FAM120A: variants seen among roughly 807,000 people sequenced by gnomAD.
FAM120A encodes constitutive coactivator of PPAR-gamma-like protein 1.
Under a neutral mutation model 109.7 loss-of-function variants are expected in FAM120A, and 15 were observed. The observed-to-expected ratio is 0.14, with a 90% CI of 0.09 to 0.21. FAM120A has a LOEUF of 0.21. Among genes scored for constraint, FAM120A ranks in the 10% least tolerant of loss-of-function variants. The probability of loss-of-function intolerance (pLI) is 1.00; values close to 1 mark genes in which losing one functional copy is unlikely to be tolerated. For missense variants in FAM120A, 899 were observed against 1,439.3 expected (o/e 0.62, Z 6.07); for synonymous variants, 493 against 572.8 (o/e 0.86, Z 1.99).
intron 1 of FAM120A, chr9:93,453,163 G>A: frequency 1.0e-6 from 1 of 1,002,078 alleles, no homozygotes; most frequent in African/African-American, 1.7e-5. Flanking sequence ...AAATCAGGGG[G>A]CGAACTACGC....
chr9:93,549,574 A>C (rs528128219), intron 11 of FAM120A, among the ~76,000 whole-genome samples: 2 of 152,322 alleles, frequency 1.3e-5, no homozygotes, highest in East Asian at 3.9e-4. Context: ...CACCAACTCT[A>C]ACCCTGGGTT....
chr9:93,543,482 T>C lies in FAM120A; in HGVS notation c.2159+11T>C. Reference sequence around the variant, plus strand: ...CTGCTGCGTCTTACGGTGGGTGCCATGCATGGGAGCTGGGACCTGGGTCCC... The same window carrying C: ...CTGCTGCGTCTTACGGTGGGTGCCACGCATGGGAGCTGGGACCTGGGTCCC... On this transcript the variant is annotated intron_variant, in intron 11 of 17. Coordinates refer to ENST00000277165, the MANE Select transcript of FAM120A (RefSeq NM_014612.5). 6.2e-7 allele frequency: 1 copy of C among 1,610,210 alleles called. No individual in the cohort carries two copies. The highest frequency in any genetic ancestry group is 8.5e-7 in the Non-Finnish European group (1 of 1,176,772).
intron 5 of FAM120A, among the ~76,000 whole-genome samples, chr9:93,502,700 C>T (rs573643069): frequency 6.6e-6 from 1 of 152,180 alleles, no homozygotes; most frequent in South Asian, 2.1e-4. Context: ...TTCACTATGT[C>T]ATAATTACTA....
chr9:93,553,643 T>A (rs1042731482), intron 12 of FAM120A, among the ~76,000 whole-genome samples: 1 of 152,212 alleles, frequency 6.6e-6, no homozygotes, highest in Non-Finnish European at 1.5e-5. Context: ...TTTATCTCAA[T>A]TGATATAAGA....
intron 1 of FAM120A, among the ~76,000 whole-genome samples, chr9:93,468,665 T>G (rs541420420): frequency 2.7e-4 from 41 of 152,370 alleles, no homozygotes; most frequent in African/African-American, 9.9e-4. Flanking sequence ...GTTTAATACT[T>G]TATCCTAAGC....
At chr9:93,486,003 C>T (rs1230469495) in intron 3 of FAM120A, among the ~76,000 whole-genome samples, 1 of 152,148 alleles carries the variant, frequency 6.6e-6, no homozygotes, top group Non-Finnish European at 1.5e-5. Context: ...AGAAAAGAAA[C>T]TGTGTCCTAC....
Position 93,476,243 on chromosome 9 carries a change from G to A in FAM120A, c.722-13G>A, listed in dbSNP as rs368904991. On this transcript the variant is annotated splice_polypyrimidine_tract_variant and intron_variant, in intron 2 of 17. Coordinates refer to ENST00000277165, the MANE Select transcript of FAM120A (RefSeq NM_014612.5). Reference sequence around the variant, plus strand: ...AGATGATTGCTTTTATGTTATCCATGTTTATATTCCAGGAAATCACATTCT... The same window carrying A: ...AGATGATTGCTTTTATGTTATCCATATTTATATTCCAGGAAATCACATTCT... The A allele has an allele frequency of 1.3e-5, 21 of 1,570,530 alleles. No homozygotes were observed. In the African/African-American group the frequency reaches 2.6e-4, roughly 19 times the overall value.
intron 5 of FAM120A, among the ~76,000 whole-genome samples, chr9:93,501,437 CAG>C (rs1400585300): frequency 1.3e-5 from 2 of 152,088 alleles, no homozygotes; most frequent in Non-Finnish European, 2.9e-5. Flanking sequence ...GAAGTTTACT[CAG>C]AATTTAGTTT....
At chr9:93,529,322 GTTTT>G in intron 8 of FAM120A, 27 bp from the exon 9 acceptor site, 1 of 1,537,308 alleles carries the variant, frequency 6.5e-7, no homozygotes, top group African/African-American at 1.4e-5. Context: ...ACATACACTC[GTTTT>G]CCTCCCTTCT....
At chr9:93,488,977 T>G (rs1350092626) in intron 3 of FAM120A, among the ~76,000 whole-genome samples, 1 of 151,106 alleles carries the variant, frequency 6.6e-6, no homozygotes, top group Non-Finnish European at 1.5e-5. Flanking sequence ...TCTCTTCATC[T>G]GTAGCAGTGA....
intron 7 of FAM120A, among the ~76,000 whole-genome samples, chr9:93,525,208 A>G (rs1217625745): frequency 1.3e-5 from 2 of 152,198 alleles, no homozygotes; most frequent in Admixed American, 1.3e-4. Context: ...TTTTAGATTG[A>G]TAATCTACAT....
intron 10 of FAM120A, 76 bp from the exon 11 acceptor site, chr9:93,543,146 G>C (rs1280265285): frequency 6.5e-7 from 1 of 1,545,376 alleles, no homozygotes; most frequent in East Asian, 2.3e-5. Context: ...AGTTACTAGA[G>C]CTGCTTGTTT....
At chr9:93,511,203 T>G (rs113358519) in intron 5 of FAM120A, among the ~76,000 whole-genome samples, 1 of 150,558 alleles carries the variant, frequency 6.6e-6, no homozygotes, top group African/African-American at 2.5e-5. Flanking sequence ...TTACTTCTCA[T>G]GGGCCTTGTA....
At position 93,564,494 on chromosome 9, in the gene FAM120A, G is replaced by T; in HGVS notation, c.3311G>T (p.Arg1104Leu). ...GCACTAAGTACAGACAGCGCTTGCC[G>T]CAGAGAAGCTGCTCTGGAGGCAGCT... ...LNALSTDSAC[R>L]REAALEAAVL... Residue 1104 changes from arginine (R) to leucine (L), a missense_variant, in exon 18 of 18, where the codon CGC (arginine) becomes CTC (leucine). Arg to Leu is a moderately radical substitution (Grantham distance 102). Coordinates refer to ENST00000277165, the MANE Select transcript of FAM120A (RefSeq NM_014612.5). 3 of 1,613,392 alleles carry T rather than the reference G, an allele frequency of 1.9e-6. No homozygotes were observed. Among genetic ancestry groups the T allele is most frequent in the Non-Finnish European group, 2.5e-6 (3 of 1,179,336 alleles).
Position 93,516,289 on chromosome 9 carries a change from C to T in FAM120A, c.1418+20C>T. 6.2e-7 allele frequency: 1 copy of T among 1,601,180 alleles called. No individual in the cohort carries two copies. The highest frequency in any genetic ancestry group is 8.5e-7 in the Non-Finnish European group (1 of 1,171,222). On this transcript the variant is annotated intron_variant, in intron 7 of 17. Transcript: ENST00000277165. ...GACAAAGTGAGTGGTGCGTGGGTCG[C>T]TGGGTGCTTCCTGGCGGGTAGTGAC... is the stretch of plus-strand genomic sequence containing the variant.
intron 7 of FAM120A, among the ~76,000 whole-genome samples, chr9:93,521,777 G>A (rs1158861869): frequency 2.0e-5 from 3 of 152,050 alleles, no homozygotes; most frequent in Admixed American, 2.0e-4. Flanking sequence ...TTGTAATCTT[G>A]TTTCAGTTGA....
chr9:93,534,890 G>A (rs558343866), intron 10 of FAM120A, among the ~76,000 whole-genome samples: 1 of 152,310 alleles, frequency 6.6e-6, no homozygotes, highest in East Asian at 1.9e-4. Flanking sequence ...GTTTGGGAAA[G>A]GGAGTCAACT....
rs1859756482 is a variant in FAM120A at position 93,500,542 on chromosome 9, A to T, written c.1030+1656A>T. The stretch of plus-strand genomic sequence containing the variant: ...TTCCCCCGTCACTCCCCACAATGTA[A>T]AGTCTAGGGTAATGAGGGCCTATTA... On this transcript the variant is annotated intron_variant, in intron 5 of 17. Transcript: ENST00000277165. This position sits in a 1 kb window ranked among gnomAD's most constrained non-coding sequence, Gnocchi z 4.6. 1.3e-5 allele frequency among the ~76,000 whole-genome samples: 2 copies of T among 152,188 alleles called. No homozygotes were observed. Among genetic ancestry groups the T allele is most frequent in the South Asian group, 4.1e-4 (2 of 4,828 alleles).
intron 1 of FAM120A, among the ~76,000 whole-genome samples, chr9:93,455,851 C>T (rs540333376): frequency 3.9e-5 from 6 of 152,180 alleles, no homozygotes; most frequent in East Asian, 1.9e-4. Context: ...TTAGTAGAGG[C>T]GGGGTTTCAC....
Sources: allele counts gnomAD v4.1 joint callset (sites outside exome capture counted in the v4.1 genomes callset), GRCh38; gene constraint gnomAD v4.1.1; non-coding constraint Gnocchi (gnomAD v3.1); transcripts MANE v1.5; gene names NCBI Gene and HGNC (gene_info 2026-07-23, HGNC 2026-07-21).